The following FAM193A variants were observed in gnomAD, a reference collection of about 807,000 sequenced individuals.
The protein encoded by FAM193A is protein FAM193A.
In FAM193A, 22 loss-of-function variants were observed where a neutral mutation model predicts 126.5. The ratio of observed to expected loss-of-function variants is 0.17; its 90% CI spans 0.12 to 0.25. FAM193A has a LOEUF of 0.25. Ranked by LOEUF, FAM193A falls within the 10% of genes least tolerant of loss-of-function variation. The pLI, the probability that FAM193A is intolerant of heterozygous loss-of-function variation, is 1.00. For synonymous variants in FAM193A, 761 were observed against 646.8 expected (o/e 1.18, Z -2.68); for missense variants, 1,675 against 1,672.8 (o/e 1.00, Z -0.02).
At chr4:2,552,406 C>T (rs1737985527) in intron 1 of FAM193A, among the ~76,000 whole-genome samples, 1 of 152,118 alleles carries the variant, frequency 6.6e-6, no homozygotes. Flanking sequence ...CCACCTCTGC[C>T]TCCCAAAGTG....
intron 1 of FAM193A, among the ~76,000 whole-genome samples, chr4:2,552,847 C>CTTTTTTTTTTTT (rs5855745): frequency 8.4e-6 from 1 of 119,398 alleles, no homozygotes; most frequent in African/African-American, 3.3e-5. Context: ...ACAGAACTTT[C>CTTTTTTTTTTTT]TTTTTTTTTT....
At chr4:2,589,596 CT>C (rs1321051231) in intron 1 of FAM193A, among the ~76,000 whole-genome samples, 2 of 152,080 alleles carry the variant, frequency 1.3e-5, no homozygotes, top group East Asian at 3.9e-4. Context: ...ATCACAGAGC[CT>C]TAAATACTTA....
intron 7 of FAM193A, among the ~76,000 whole-genome samples, chr4:2,653,167 CTTTT>C (rs1745839793): frequency 1.3e-5 from 2 of 152,204 alleles, no homozygotes; most frequent in African/African-American, 4.8e-5. Context: ...TAGGGAAATT[CTTTT>C]ACTAAGACTG....
intron 1 of FAM193A, 119 bp from the exon 2 acceptor site, chr4:2,595,965 T>G: frequency 1.7e-6 from 1 of 591,430 alleles, no homozygotes. Flanking sequence ...CATTTCCTAT[T>G]TTATGTTTCT....
intron 2 of FAM193A, among the ~76,000 whole-genome samples, chr4:2,601,934 G>T (rs1741223410): frequency 1.3e-5 from 2 of 152,030 alleles, no homozygotes; most frequent in African/African-American, 4.8e-5. Flanking sequence ...CACCTCCCAG[G>T]TTCAAGGGAT....
chr4:2,667,465 A>G (rs951659987), intron 12 of FAM193A, among the ~76,000 whole-genome samples: 2 of 152,100 alleles, frequency 1.3e-5, no homozygotes, highest in East Asian at 1.9e-4. Flanking sequence ...TCTCCTTTCA[A>G]TTCTTCCTTG....
At chr4:2,624,659 G>T (rs1489516751) in intron 2 of FAM193A, among the ~76,000 whole-genome samples, 1 of 152,176 alleles carries the variant, frequency 6.6e-6, no homozygotes. Flanking sequence ...AGGACAGTGG[G>T]AGTAAAACTG....
At chr4:2,576,706 C>G (rs1739608107) in intron 1 of FAM193A, among the ~76,000 whole-genome samples, 1 of 152,180 alleles carries the variant, frequency 6.6e-6, no homozygotes, top group South Asian at 2.1e-4. Context: ...ATCTATATAT[C>G]TAAACACTGG....
intron 1 of FAM193A, among the ~76,000 whole-genome samples, chr4:2,577,418 TTTTG>T (rs1364864771): frequency 3.2e-4 from 41 of 128,512 alleles, no homozygotes; most frequent in African/African-American, 1.4e-3. Context: ...GTGGTTTTTT[TTTTG>T]TTTTTTTTTT....
chr4:2,691,298 C>G lies in FAM193A; in HGVS notation c.2803+328C>G, dbSNP rs531352802. ...CAGTGCAGTCTCAGCTCATTACAGC[C>G]TCTGCCTCTTGGGTTCAAGCGATTC... On this transcript the variant is annotated intron_variant, in intron 15 of 20. Transcript: ENST00000637812. Among the ~76,000 whole-genome samples the G allele has an allele frequency of 9.6e-4, 146 of 152,326 alleles. 2 individuals carry two copies. The highest frequency in any genetic ancestry group is 2.0e-4 in the Admixed American group (3 of 15,298).
intron 20 of FAM193A, among the ~76,000 whole-genome samples, chr4:2,724,376 C>T (rs926050608): frequency 1.3e-5 from 2 of 152,148 alleles, no homozygotes; most frequent in Admixed American, 1.3e-4. Flanking sequence ...ACCACATCCT[C>T]ATGTTTTTCT....
intron 12 of FAM193A, among the ~76,000 whole-genome samples, chr4:2,667,860 G>A (rs962630494): frequency 1.3e-5 from 2 of 151,988 alleles, no homozygotes; most frequent in African/African-American, 4.8e-5. Context: ...TCTTGTGAAT[G>A]TCGTTATAAA....
chr4:2,601,353 C>T (rs1741187354), intron 2 of FAM193A, among the ~76,000 whole-genome samples: 1 of 151,340 alleles, frequency 6.6e-6, no homozygotes, highest in Non-Finnish European at 1.5e-5. Flanking sequence ...GTGACTCAGC[C>T]TCCCGAGTAG....
intron 13 of FAM193A, among the ~76,000 whole-genome samples, chr4:2,683,956 GAT>G (rs1256473658): frequency 2.0e-5 from 3 of 152,178 alleles, no homozygotes; most frequent in Non-Finnish European, 4.4e-5. Context: ...GTCGTCTCCT[GAT>G]GAGTCCATCA....
At chr4:2,554,083 T>TTTTA (rs1211912693) in intron 1 of FAM193A, among the ~76,000 whole-genome samples, 2 of 152,140 alleles carry the variant, frequency 1.3e-5, no homozygotes, top group African/African-American at 2.4e-5. Flanking sequence ...TATCTCTCCC[T>TTTTA]TTTATTTATT....
rs1741496234 is a variant in FAM193A at position 2,605,755 on chromosome 4, TG to T, written c.501+9427del. 2.0e-5 allele frequency among the ~76,000 whole-genome samples: 3 copies of T among 152,106 alleles called. No individual in the cohort carries two copies. In the South Asian group the frequency reaches 6.2e-4, roughly 31 times the overall value. On this transcript the variant is annotated intron_variant, in intron 2 of 20. Coordinates refer to ENST00000637812, the MANE Select transcript of FAM193A (RefSeq NM_001366318.2). ...GGGAGGCCAAGATGGGCGGATCACC[TG>T]AGGTCAGGAGTTCGAGACCAGCCTG... is the stretch of plus-strand genomic sequence containing the variant.
chr4:2,662,768 T>C (rs1712614708), intron 10 of FAM193A, 70 bp from the exon 11 acceptor site: 1 of 1,208,098 alleles, frequency 8.3e-7, no homozygotes, highest in Admixed American at 1.8e-5. Flanking sequence ...ATATCTGTGC[T>C]TAGTGGCTGG....
At chr4:2,645,931 T>C (rs1034306415) in intron 6 of FAM193A, among the ~76,000 whole-genome samples, 12 of 152,212 alleles carry the variant, frequency 7.9e-5, no homozygotes, top group African/African-American at 2.7e-4. Context: ...CAGATCTAAA[T>C]TTTATGTCTC....
intron 1 of FAM193A, among the ~76,000 whole-genome samples, chr4:2,573,890 T>C (rs897200416): frequency 2.0e-5 from 3 of 152,036 alleles, no homozygotes; most frequent in Non-Finnish European, 4.4e-5. Flanking sequence ...GGGAAGAAGT[T>C]TCTAGTCAAA....
Sources: allele counts gnomAD v4.1 joint callset (sites outside exome capture counted in the v4.1 genomes callset), GRCh38; gene constraint gnomAD v4.1.1; transcripts MANE v1.5; gene names NCBI Gene and HGNC (gene_info 2026-07-23, HGNC 2026-07-21).